The following OTOGL variants were observed in gnomAD, a reference collection of about 807,000 sequenced individuals.
OTOGL encodes the protein otogelin-like protein.
A neutral mutation model predicts 318.5 loss-of-function variants in OTOGL; 285 were observed. The ratio of observed to expected loss-of-function variants is 0.89; its 90% confidence interval spans 0.81 to 0.99. OTOGL has a LOEUF of 0.99. OTOGL is among the 50% of genes least tolerant of loss of function. The probability of loss-of-function intolerance (pLI) is 0.00; values close to 1 mark genes in which losing one functional copy is unlikely to be tolerated. For synonymous variants in OTOGL, 987 were observed against 936.5 expected (o/e 1.05, Z -0.99); for missense variants, 2,899 against 2,845.6 (o/e 1.02, Z -0.43).
At chr12:80,161,011 C>T (rs1873476893) in intron 1 of OTOGL, among the ~76,000 whole-genome samples, 1 of 151,848 alleles carries the variant, frequency 6.6e-6, no homozygotes, top group South Asian at 2.1e-4. Flanking sequence ...TGCTCTTATT[C>T]ATAAGTGGGA....
At chr12:80,239,550 T>C (rs1880186387) in intron 11 of OTOGL, 111 bp downstream of exon 11, 1 of 752,094 alleles carries the variant, frequency 1.3e-6, no homozygotes, top group Non-Finnish European at 2.0e-6. Flanking sequence ...TTATGGGAAA[T>C]GTAAAATATA....
chr12:80,106,856 T>G (rs533142596), intron 1 of OTOGL, among the ~76,000 whole-genome samples: 1 of 152,208 alleles, frequency 6.6e-6, no homozygotes, highest in East Asian at 1.9e-4. Context: ...TTATTAGTAC[T>G]ATGTTTTTTT....
intron 1 of OTOGL, among the ~76,000 whole-genome samples, chr12:80,108,827 A>G (rs71463854): frequency 0.037 from 4,548 of 122,402 alleles, 126 homozygotes; most frequent in South Asian, 0.076. Flanking sequence ...ATATATATGT[A>G]TATATATTGT....
In OTOGL at chr12:80,257,979, T is replaced by C; in HGVS notation, c.1866T>C (p.Asn622=). 1 of 1,591,732 alleles carries C rather than the reference T, an allele frequency of 6.3e-7. No homozygotes were observed. Among genetic ancestry groups the C allele is most frequent in the Non-Finnish European group, 8.5e-7 (1 of 1,177,344 alleles). The change falls in exon 18 of 59, where the codon AAT becomes AAC. Residue 622 remains asparagine, a synonymous_variant. Coordinates refer to ENST00000547103, the MANE Select transcript of OTOGL (RefSeq NM_001378609.3). ...CATTAGGTCTGTGTGGCACTTTTAA[T>C]GGCAACATAAGGGATGATTTTCTGT... ...RRTLGLCGTF[N]GNIRDDFLSP...
intron 1 of OTOGL, among the ~76,000 whole-genome samples, chr12:80,145,700 T>C (rs892557903): frequency 6.6e-6 from 1 of 151,994 alleles, no homozygotes; most frequent in African/African-American, 2.4e-5. Flanking sequence ...GCATGGAATG[T>C]TCTTCCATTT....
At chr12:80,344,592 G>T (rs1023589915) in intron 44 of OTOGL, among the ~76,000 whole-genome samples, 13 of 152,096 alleles carry the variant, frequency 8.5e-5, no homozygotes, top group Non-Finnish European at 1.6e-4. Context: ...TGTGTCTTAT[G>T]CTGGAAAATC....
chr12:80,255,949 C>A (rs1245208533), intron 16 of OTOGL, among the ~76,000 whole-genome samples: 1 of 151,662 alleles, frequency 6.6e-6, no homozygotes, highest in East Asian at 1.9e-4. Context: ...GCTTTATTGA[C>A]TTTTTTTGTC....
At chr12:80,103,690 T>C (rs1224666618) in intron 1 of OTOGL, among the ~76,000 whole-genome samples, 1 of 152,228 alleles carries the variant, frequency 6.6e-6, no homozygotes, top group Non-Finnish European at 1.5e-5. Flanking sequence ...TAGTTGGCAT[T>C]CAATATTTAT....
At chr12:80,356,284 TAA>T in intron 47 of OTOGL, 130 bp from the exon 48 acceptor site, 1 of 694,074 alleles carries the variant, frequency 1.4e-6, no homozygotes, top group Non-Finnish European at 2.4e-6. Flanking sequence ...AACTGCAGTG[TAA>T]AAACATGCAT....
chr12:80,121,501 C>A (rs1489455534), intron 1 of OTOGL, among the ~76,000 whole-genome samples: 2 of 152,116 alleles, frequency 1.3e-5, no homozygotes, highest in Non-Finnish European at 2.9e-5. Flanking sequence ...TCTAATCCCT[C>A]CCTAGAGCAG....
intron 1 of OTOGL, among the ~76,000 whole-genome samples, chr12:80,204,312 G>A (rs955951502): frequency 1.3e-5 from 2 of 152,126 alleles, no homozygotes; most frequent in African/African-American, 4.8e-5. Flanking sequence ...AAGATGATAG[G>A]CTAACGTTTG....
At chr12:80,137,474 C>T (rs1871652289) in intron 1 of OTOGL, among the ~76,000 whole-genome samples, 2 of 152,090 alleles carry the variant, frequency 1.3e-5, no homozygotes, top group Non-Finnish European at 1.5e-5. Flanking sequence ...AACCTCTTGC[C>T]AAATTAGATG....
Position 80,303,094 on chromosome 12 carries a change from G to A in OTOGL, c.3213+311G>A, listed in dbSNP as rs139913235. 2.0e-3 allele frequency among the ~76,000 whole-genome samples: 305 copies of A among 152,224 alleles called. 1 individual carries two copies. Among genetic ancestry groups the A allele is most frequent in the African/African-American group, 4.0e-3 (166 of 41,550 alleles). ...ATTAGATTCAGTTCTTACAAACTGC[G>A]TTCCATGTTTTCCTCCACATTCTGG... is the stretch of plus-strand genomic sequence containing the variant. On this transcript the variant is annotated intron_variant, in intron 28 of 58. Coordinates refer to ENST00000547103, the MANE Select transcript of OTOGL (RefSeq NM_001378609.3).
chr12:80,368,983 A>T (rs1380567993), intron 55 of OTOGL, among the ~76,000 whole-genome samples: 1 of 151,962 alleles, frequency 6.6e-6, no homozygotes, highest in African/African-American at 2.4e-5. Flanking sequence ...ACAAAAATAC[A>T]CTTGATATGG....
chr12:80,355,974 A>C lies in OTOGL; in HGVS notation c.5806+26A>C. 3.8e-6 allele frequency: 6 copies of C among 1,594,354 alleles called. No individual in the cohort carries two copies. In the South Asian group the frequency reaches 4.4e-5, roughly 12 times the overall value. On this transcript the variant is annotated intron_variant, in intron 47 of 58. Coordinates refer to ENST00000547103, the MANE Select transcript of OTOGL (RefSeq NM_001378609.3). ...GTATGTATGCAGAAGCCTTATAGTC[A>C]ATTGATTCCACAAAATATGTTGATA... is the stretch of plus-strand genomic sequence containing the variant.
chr12:80,278,625 A>C (rs1364395007), intron 25 of OTOGL, among the ~76,000 whole-genome samples: 1 of 151,616 alleles, frequency 6.6e-6, no homozygotes, highest in Non-Finnish European at 1.5e-5. Context: ...CCATAAAATA[A>C]AATTTGAAAT....
At chr12:80,256,509 C>CAAAG (rs768254923) in intron 17 of OTOGL, 49 bp downstream of exon 17, 18 of 1,514,834 alleles carry the variant, frequency 1.2e-5, no homozygotes, top group Non-Finnish European at 1.6e-5. Flanking sequence ...AACAAACAAA[C>CAAAG]AAACAAACAA....
intron 1 of OTOGL, chr12:80,103,255 T>G: frequency 6.5e-7 from 1 of 1,534,600 alleles, no homozygotes; most frequent in Non-Finnish European, 9.0e-7. Flanking sequence ...ATAATCTTCC[T>G]TCGAATGTGG....
chr12:80,359,538 C>A (rs886838611), intron 52 of OTOGL, among the ~76,000 whole-genome samples: 24 of 152,106 alleles, frequency 1.6e-4, no homozygotes, highest in Non-Finnish European at 1.0e-4. Context: ...TTTTACTTTT[C>A]TTTTCCTTCT....
Sources: gnomAD v4.1 joint callset for allele counts (sites outside exome capture counted in the v4.1 genomes callset) on GRCh38, gnomAD v4.1.1 for gene constraint, MANE v1.5 for transcripts, NCBI Gene and HGNC (gene_info 2026-07-23, HGNC 2026-07-21) for gene names.